TMEM92: variants seen among roughly 807,000 people sequenced by gnomAD.
TMEM92 encodes the protein transmembrane protein 92.
Under a neutral mutation model 14.6 loss-of-function variants are expected in TMEM92, and 15 were observed. That is an observed-to-expected ratio of 1.03 (90% CI 0.69 to 1.58). The LOEUF (loss-of-function observed/expected upper bound fraction) is 1.58. TMEM92 is among the 40% of genes most tolerant of loss of function. The probability of loss-of-function intolerance (pLI) is 0.00; values close to 1 mark genes in which losing one functional copy is unlikely to be tolerated. For missense variants in TMEM92, 174 were observed against 202.4 expected (o/e 0.86, Z 0.85); for synonymous variants, 85 against 83.3 (o/e 1.02, Z -0.11).
chr17:50,278,546 C>T lies in TMEM92; in HGVS notation c.96-10C>T, dbSNP rs756084750. On this transcript the variant is annotated splice_polypyrimidine_tract_variant and intron_variant, in intron 2 of 4. Coordinates refer to ENST00000507382, the MANE Select transcript of TMEM92 (RefSeq NM_153229.3). ...ACTTCTCCTTGCCCTTTTCTGTGCC[C>T]TCTGACCAGTGCCTGCCCCAAAGGA... The T allele has an allele frequency of 6.2e-7, 1 of 1,613,952 alleles. No homozygotes were observed. Among genetic ancestry groups the T allele is most frequent in the Non-Finnish European group, 8.5e-7 (1 of 1,179,918 alleles).
upstream of TMEM92, among the ~76,000 whole-genome samples, chr17:50,273,988 AT>A (rs1910334169): frequency 6.6e-6 from 1 of 152,056 alleles, no homozygotes; most frequent in East Asian, 1.9e-4. Flanking sequence ...TTATTTATTT[AT>A]TTATTTAGAG....
chr17:50,274,430 G>C, upstream of TMEM92: 1 of 1,550,382 alleles, frequency 6.5e-7, no homozygotes, highest in Non-Finnish European at 8.9e-7. Context: ...GGGCCCCATA[G>C]GTGGAGAGAA....
intron 2 of TMEM92, 71 bp from the exon 3 acceptor site, chr17:50,278,485 C>T (rs1315241839): frequency 1.3e-6 from 2 of 1,567,904 alleles, no homozygotes; most frequent in Non-Finnish European, 1.7e-6. Context: ...TTTGGGGAGG[C>T]TGGGATCCTT....
chr17:50,274,491 C>T lies in TMEM92; in HGVS notation c.-11C>T. ...CTCTACACAGGAAAGCTCAGTGGCC[C>T]CCAAGCCAGGATGTCCCAAGCTTGG... is the stretch of plus-strand genomic sequence containing the variant. On this transcript the variant is annotated 5_prime_UTR_variant, in exon 1 of 5. Transcript: ENST00000507382. The T allele has an allele frequency of 6.2e-7, 1 of 1,613,854 alleles. No individual in the cohort carries two copies. The highest frequency in any genetic ancestry group is 1.1e-5 in the South Asian group (1 of 91,054).
At chr17:50,274,190 A>G (rs1243614014), upstream of TMEM92, among the ~76,000 whole-genome samples, 1 of 152,228 alleles carries the variant, frequency 6.6e-6, no homozygotes, top group Non-Finnish European at 1.5e-5. Flanking sequence ...CATGTAGGCC[A>G]AGCTGGTCTC....
At chr17:50,276,643 T>C (rs1375422506) in intron 1 of TMEM92, among the ~76,000 whole-genome samples, 2 of 152,164 alleles carry the variant, frequency 1.3e-5, no homozygotes, top group Non-Finnish European at 2.9e-5. Context: ...CCATTTCCTA[T>C]GTTCTGGCAC....
rs1431581540 is a variant in TMEM92, at chr17:50,279,167, A to C, written c.367-28A>C. ...AGTGGTGGCCAGGGCCAGGGCCCAGAAGACTGAATTCTCTCTTTTCCCTGC... is the reference window on the plus strand; with the variant it reads ...AGTGGTGGCCAGGGCCAGGGCCCAGCAGACTGAATTCTCTCTTTTCCCTGC... On this transcript the variant is annotated intron_variant, in intron 4 of 4. Transcript: ENST00000507382. The C allele has an allele frequency of 5.0e-6, 8 of 1,607,652 alleles. No homozygotes were observed. The East Asian group carries it at 1.8e-4, about 36-fold the overall frequency.
upstream of TMEM92, chr17:50,274,445 G>A (rs1910353562): frequency 1.3e-6 from 2 of 1,589,224 alleles, no homozygotes; most frequent in Non-Finnish European, 1.7e-6. Context: ...AGAGAAGTGG[G>A]AGAGGTCGCA....
chr17:50,280,635 C>G lies in TMEM92; in HGVS notation c.*1327C>G, dbSNP rs1312193088. 1.3e-5 allele frequency: 2 copies of G among 152,274 alleles called. No individual in the cohort carries two copies. The highest frequency in any genetic ancestry group is 2.9e-5 in the Non-Finnish European group (2 of 68,110). The allele number at this position is 152,274 out of a possible 1,614,324, so 9.4% of individuals were successfully genotyped here. ...AGGAGGATTGGAGGTAGAACTGGCC[C>G]TGGTATGCCAACAGGGGTGCCTCTT... On this transcript the variant is annotated 3_prime_UTR_variant, in exon 5 of 5. Transcript: ENST00000507382.
upstream of TMEM92, among the ~76,000 whole-genome samples, chr17:50,273,710 A>G (rs1392857244): frequency 6.6e-6 from 1 of 152,190 alleles, no homozygotes; most frequent in Non-Finnish European, 1.5e-5. Flanking sequence ...TCAAAACACA[A>G]TGGGGTGATA....
rs183896401 is a variant in TMEM92, at chr17:50,277,752, G to A, written c.95+12G>A. On this transcript the variant is annotated intron_variant, in intron 2 of 4. Coordinates refer to ENST00000507382, the MANE Select transcript of TMEM92 (RefSeq NM_153229.3). ...TGTGGTCTCATCCTGTAAGTCTAGAGGCCATAACTTCCAATCTGGGGAGCG... is the reference window on the plus strand; with the variant it reads ...TGTGGTCTCATCCTGTAAGTCTAGAAGCCATAACTTCCAATCTGGGGAGCG... 2,841 of 1,613,950 alleles carry A rather than the reference G, an allele frequency of 1.8e-3. 13 individuals carry two copies. The highest frequency in any genetic ancestry group is 1.2e-3 in the Non-Finnish European group (1,457 of 1,179,926).
chr17:50,276,235 GC>G, intron 1 of TMEM92, among the ~76,000 whole-genome samples: 1 of 152,290 alleles, frequency 6.6e-6, no homozygotes, highest in East Asian at 1.9e-4. Flanking sequence ...ACCCACCTCA[GC>G]CTCCCAAGGT....
upstream of TMEM92, among the ~76,000 whole-genome samples, chr17:50,273,695 T>A (rs1381894286): frequency 6.6e-6 from 1 of 152,202 alleles, no homozygotes; most frequent in Non-Finnish European, 1.5e-5. Context: ...TCCCTCCCTT[T>A]TTGGTCAAAA....
chr17:50,278,911 G>C lies in TMEM92; in HGVS notation c.281G>C (p.Cys94Ser). ...REPEPDSPVD[C>S]RGPLELPSII... ...CCGGAGCCAGACAGCCCAGTGGATT[G>C]CCGGGGGCCCCTGGAACTGCCCTCC... Residue 94 changes from cysteine (C) to serine (S), a missense_variant, in exon 4 of 5, where the codon TGC (cysteine) becomes TCC (serine). Coordinates refer to ENST00000507382, the MANE Select transcript of TMEM92 (RefSeq NM_153229.3). 1 of 1,613,836 alleles carries C rather than the reference G, an allele frequency of 6.2e-7. No individual in the cohort carries two copies. The highest frequency in any genetic ancestry group is 8.5e-7 in the Non-Finnish European group (1 of 1,179,876).
Position 50,279,480 on chromosome 17 carries a change from C to T in TMEM92, c.*172C>T. The T allele has an allele frequency of 1.6e-6, 1 of 611,154 alleles. No homozygotes were observed. The highest frequency in any genetic ancestry group is 2.9e-6 in the Non-Finnish European group (1 of 348,442). The allele number at this position is 611,154 out of a possible 1,614,324, so 37.9% of individuals were successfully genotyped here. A position where few individuals can be genotyped will look rare whatever the true frequency, so the allele number is the denominator to read the frequency against. On this transcript the variant is annotated 3_prime_UTR_variant, in exon 5 of 5. Coordinates refer to ENST00000507382, the MANE Select transcript of TMEM92 (RefSeq NM_153229.3). ...GCTTCTGTTTCCACCCCAGCTGCCTCTCTTGTCCTGAGGGTTAGGCTGGAG... is the reference window on the plus strand; with the variant it reads ...GCTTCTGTTTCCACCCCAGCTGCCTTTCTTGTCCTGAGGGTTAGGCTGGAG...
Position 50,280,385 on chromosome 17 carries a change from G to T in TMEM92, c.*1077G>T, listed in dbSNP as rs1910580411. The T allele has an allele frequency of 6.6e-6, 1 of 152,238 alleles. No individual in the cohort carries two copies. The allele number at this position is 152,238 out of a possible 1,614,324, so 9.4% of individuals were successfully genotyped here. A position where few individuals can be genotyped will look rare whatever the true frequency, so the allele number is the denominator to read the frequency against. ...TTCTCTACCAGCCCCGCTCGCTCGT[G>T]GGAGTTAACCCCCTAGGGGAGAAGA... On this transcript the variant is annotated 3_prime_UTR_variant, in exon 5 of 5. Transcript: ENST00000507382.
In TMEM92 at chr17:50,278,437, C is replaced by T. The variant is rs1412421361; in HGVS notation, c.96-119C>T. 7 of 1,142,704 alleles carry T rather than the reference C, an allele frequency of 6.1e-6. No homozygotes were observed. In the African/African-American group the frequency reaches 1.1e-4, roughly 17 times the overall value. 70.8% of individuals were successfully genotyped at this position (1,142,704 alleles called of 1,614,324 possible). ...AGCGGGGGCCATACCCCCCACCCCA[C>T]TAAGGGGTGGCTTGTGCCATGAGCA... On this transcript the variant is annotated intron_variant, in intron 2 of 4. Transcript: ENST00000507382.
chr17:50,277,941 A>C (rs1200375300), intron 2 of TMEM92, among the ~76,000 whole-genome samples: 2 of 152,106 alleles, frequency 1.3e-5, no homozygotes, highest in Admixed American at 6.6e-5. Flanking sequence ...GGGGACTTCC[A>C]CACTTGCAGG....
chr17:50,273,210 T>G (rs898362085), upstream of TMEM92, among the ~76,000 whole-genome samples: 2 of 152,014 alleles, frequency 1.3e-5, no homozygotes, highest in Non-Finnish European at 2.9e-5. Context: ...CCTCTCCCCC[T>G]CCCGCGGTCC....
Sources: gnomAD v4.1 joint callset for allele counts (sites outside exome capture counted in the v4.1 genomes callset) on GRCh38, gnomAD v4.1.1 for gene constraint, MANE v1.5 for transcripts, NCBI Gene and HGNC (gene_info 2026-07-23, HGNC 2026-07-21) for gene names.